SUCO: variants seen among roughly 807,000 people sequenced by gnomAD.
SUCO encodes SUN domain containing ossification factor.
Under a neutral mutation model 148.1 loss-of-function variants are expected in SUCO, and 57 were observed. That is an observed-to-expected ratio of 0.38 (90% CI 0.31 to 0.48). The LOEUF is 0.48. Among genes scored for constraint, SUCO ranks in the 20% least tolerant of loss-of-function variants. The pLI is 0.96. For synonymous variants in SUCO, 470 were observed against 502.7 expected, an observed-to-expected ratio of 0.93 and a Z score of 0.87; for missense variants, 1,331 against 1,468.2, an observed-to-expected ratio of 0.91 and a Z score of 1.53.
At position 172,581,015 on chromosome 1, in the gene SUCO, G is replaced by A. The variant is rs1282873183; in HGVS notation, c.1498+1748G>A. Among the ~76,000 whole-genome samples the A allele has an allele frequency of 3.9e-5, 6 of 152,016 alleles. No homozygotes were observed. The East Asian group carries it at 7.7e-4, about 20-fold the overall frequency. ...ACTCCAGAGCTGACGCAGGAGAATC[G>A]CTTGAACCCAGGAGGCGGAGGTTGC... On this transcript the variant is annotated intron_variant, in intron 15 of 23. Transcript: ENST00000263688.
At chr1:172,532,947 G>A (rs1389379641), upstream of SUCO, 2 of 1,357,608 alleles carry the variant, frequency 1.5e-6, no homozygotes, top group Admixed American at 2.9e-5. Context: ...CGGCTTCTCC[G>A]CCTGCGACGT....
chr1:172,566,360 A>G (rs1654550921), intron 6 of SUCO, among the ~76,000 whole-genome samples: 1 of 151,894 alleles, frequency 6.6e-6, no homozygotes, highest in Non-Finnish European at 1.5e-5. Context: ...CCTTCTCTCC[A>G]TCTCTGCTGT....
chr1:172,609,787 T>G (rs1304134820), intron 23 of SUCO, 29 bp from the exon 24 acceptor site: 23 of 1,569,524 alleles, frequency 1.5e-5, no homozygotes, highest in Non-Finnish European at 2.0e-5. Context: ...GAAGTATCAT[T>G]ACTAACTTTT....
At chr1:172,585,206 T>C in intron 16 of SUCO, 120 bp downstream of exon 16, 1 of 893,496 alleles carries the variant, frequency 1.1e-6, no homozygotes, top group Non-Finnish European at 1.6e-6. Flanking sequence ...ATAGAAATAA[T>C]TCAGAGGAAC....
At chr1:172,566,141 GCTGT>G (rs1184694817) in intron 6 of SUCO, among the ~76,000 whole-genome samples, 4 of 152,222 alleles carry the variant, frequency 2.6e-5, no homozygotes, top group Admixed American at 1.3e-4. Flanking sequence ...GCTCAGCTGT[GCTGT>G]CTGCCAGGGA....
chr1:172,532,538 A>G (rs767928709), upstream of SUCO: 16 of 1,613,728 alleles, frequency 9.9e-6, no homozygotes, highest in African/African-American at 1.6e-4. Flanking sequence ...GGGGCAGTCC[A>G]TTGCCACAGG....
intron 8 of SUCO, chr1:172,570,435 G>T: frequency 2.0e-6 from 1 of 497,198 alleles, no homozygotes; most frequent in Non-Finnish European, 3.6e-6. Flanking sequence ...TTTCTTTAAA[G>T]TAACAGGCAT....
intron 6 of SUCO, among the ~76,000 whole-genome samples, chr1:172,559,746 G>A (rs767703041): frequency 6.6e-6 from 1 of 152,186 alleles, no homozygotes; most frequent in African/African-American, 2.4e-5. Flanking sequence ...TTATGGGAAG[G>A]GGTAGTAACT....
At chr1:172,592,548 T>G (rs12125275) in intron 19 of SUCO, among the ~76,000 whole-genome samples, 4,652 of 152,252 alleles carry the variant, frequency 0.031, 96 homozygotes, top group South Asian at 0.071. Flanking sequence ...TTTCCCCATT[T>G]CTTGTTTTGG....
chr1:172,551,814 T>C, intron 2 of SUCO, 188 bp downstream of exon 2: 2 of 514,660 alleles, frequency 3.9e-6, no homozygotes, highest in Non-Finnish European at 6.9e-6. Flanking sequence ...TGTTTATTCT[T>C]GTTGCTTGTA....
chr1:172,534,784 C>T (rs1651889988), intron 1 of SUCO, among the ~76,000 whole-genome samples: 2 of 151,954 alleles, frequency 1.3e-5, no homozygotes, highest in Non-Finnish European at 2.9e-5. Context: ...TATTCATTTC[C>T]ATCTCTTTCT....
At chr1:172,566,369 G>T (rs1170399772) in intron 6 of SUCO, among the ~76,000 whole-genome samples, 3 of 152,160 alleles carry the variant, frequency 2.0e-5, no homozygotes, top group Non-Finnish European at 4.4e-5. Context: ...CATCTCTGCT[G>T]TTGCATCATC....
chr1:172,562,396 C>T (rs1056056025), intron 6 of SUCO, among the ~76,000 whole-genome samples: 2 of 143,850 alleles, frequency 1.4e-5, no homozygotes, highest in African/African-American at 2.6e-5. Flanking sequence ...TGCAGTGGTG[C>T]GATCTCTGCT....
chr1:172,546,111 T>C (rs1319087565), intron 1 of SUCO, among the ~76,000 whole-genome samples: 1 of 152,158 alleles, frequency 6.6e-6, no homozygotes, highest in Non-Finnish European at 1.5e-5. Flanking sequence ...AATTTTTGTA[T>C]GTTTTGTAGA....
At position 172,533,294 on chromosome 1, in the gene SUCO, G is replaced by C; in HGVS notation, c.-142G>C. 1 of 1,550,228 alleles carries C rather than the reference G, an allele frequency of 6.5e-7. No homozygotes were observed. The highest frequency in any genetic ancestry group is 8.7e-7 in the Non-Finnish European group (1 of 1,146,958). ...GGCTGCCAGGACGCGAGCCACTGAG[G>C]AGCCGCTCAGCCAGCGCCATAGCCC... is the stretch of plus-strand genomic sequence containing the variant. On this transcript the variant is annotated 5_prime_UTR_variant, in exon 1 of 24. Transcript: ENST00000263688.
rs1481181142 is a variant in SUCO at position 172,580,794 on chromosome 1, C to G, written c.1498+1527C>G. ...CTATATCTTCCTATGTGGTTAACTT[C>G]TAGATGCCATTAAAACCTAACCATA... On this transcript the variant is annotated intron_variant, in intron 15 of 23. Transcript: ENST00000263688. Among the ~76,000 whole-genome samples, 4 of 152,150 alleles carry G rather than the reference C, an allele frequency of 2.6e-5. No individual in the cohort carries two copies. The East Asian group carries it at 7.7e-4, about 29-fold the overall frequency.
chr1:172,544,559 T>C (rs1411484369), intron 1 of SUCO, among the ~76,000 whole-genome samples: 1 of 152,188 alleles, frequency 6.6e-6, no homozygotes, highest in Non-Finnish European at 1.5e-5. Context: ...AGAAGAATTA[T>C]AGGTATTGAG....
intron 3 of SUCO, among the ~76,000 whole-genome samples, chr1:172,554,950 C>T (rs1653614601): frequency 6.6e-6 from 1 of 151,788 alleles, no homozygotes; most frequent in Admixed American, 6.6e-5. Flanking sequence ...GGACTGCGTG[C>T]CTCGATGTTT....
intron 16 of SUCO, among the ~76,000 whole-genome samples, chr1:172,585,639 CTTGAT>C (rs1396890383): frequency 2.6e-5 from 4 of 152,176 alleles, no homozygotes; most frequent in African/African-American, 9.6e-5. Context: ...AGTCACCTGA[CTTGAT>C]TTAATTATCT....
Sources: allele counts gnomAD v4.1 joint callset (sites outside exome capture counted in the v4.1 genomes callset), GRCh38; gene constraint gnomAD v4.1.1; transcripts MANE v1.5; gene names NCBI Gene and HGNC (gene_info 2026-07-23, HGNC 2026-07-21).